The following TEX9 variants were observed in gnomAD, a reference collection of about 807,000 sequenced individuals.
TEX9 encodes testis expressed 9, also known as testis-expressed protein 9.
A neutral mutation model predicts 59.6 loss-of-function variants in TEX9; 74 were observed. That is an observed-to-expected ratio of 1.24 (90% CI 1.03 to 1.51). The LOEUF (loss-of-function observed/expected upper bound fraction) is 1.51. Ranked by LOEUF, TEX9 falls within the 40% of genes most tolerant of loss-of-function variation. The pLI, the probability that TEX9 is intolerant of heterozygous loss-of-function variation, is 0.00. For missense variants in TEX9, 522 were observed against 447.8 expected (o/e 1.17, Z -1.49); for synonymous variants, 186 against 152.2 (o/e 1.22, Z -1.64).
At chr15:56,420,229 A>AT (rs1352787203) in intron 10 of TEX9, among the ~76,000 whole-genome samples, 4 of 148,846 alleles carry the variant, frequency 2.7e-5, no homozygotes, top group Non-Finnish European at 4.5e-5. Flanking sequence ...CTGATTTTTT[A>AT]TTTTTTTTAT....
intron 10 of TEX9, among the ~76,000 whole-genome samples, chr15:56,419,320 G>T (rs958138117): frequency 2.6e-5 from 4 of 151,828 alleles, no homozygotes; most frequent in African/African-American, 4.9e-5. Context: ...GGACCAACTA[G>T]TAAATGCTTT....
At chr15:56,350,562 G>C (rs2046557853) in intron 1 of TEX9, among the ~76,000 whole-genome samples, 1 of 152,186 alleles carries the variant, frequency 6.6e-6, no homozygotes, top group African/African-American at 2.4e-5. Context: ...ACTAATTTCA[G>C]ATTCTACTCA....
At chr15:56,294,151 C>A (rs1388385010) in intron 1 of TEX9, among the ~76,000 whole-genome samples, 1 of 152,150 alleles carries the variant, frequency 6.6e-6, no homozygotes, top group Non-Finnish European at 1.5e-5. Context: ...TCCACTAGTG[C>A]ATATGATTGG....
intron 12 of TEX9, among the ~76,000 whole-genome samples, chr15:56,435,116 A>G (rs1425466801): frequency 2.0e-5 from 3 of 152,246 alleles, no homozygotes; most frequent in African/African-American, 7.2e-5. Flanking sequence ...AAAGTGAGAC[A>G]GCAAAATTTG....
At chr15:56,265,952 T>A (rs1371442547) in intron 1 of TEX9, among the ~76,000 whole-genome samples, 1 of 152,204 alleles carries the variant, frequency 6.6e-6, no homozygotes, top group Non-Finnish European at 1.5e-5. Flanking sequence ...GACCTTTTGA[T>A]ATGATACCAC....
At chr15:56,424,937 C>G (rs1468902579) in intron 10 of TEX9, among the ~76,000 whole-genome samples, 1 of 152,042 alleles carries the variant, frequency 6.6e-6, no homozygotes, top group Non-Finnish European at 1.5e-5. Flanking sequence ...AGGGAAAATA[C>G]AGTGGTAATG....
chr15:56,281,618 G>A (rs1256103022), intron 1 of TEX9, among the ~76,000 whole-genome samples: 1 of 151,962 alleles, frequency 6.6e-6, no homozygotes, highest in African/African-American at 2.4e-5. Context: ...CAAAAAGTTT[G>A]GGGACCACTG....
intron 12 of TEX9, chr15:56,434,396 C>A: frequency 6.2e-7 from 1 of 1,607,390 alleles, no homozygotes; most frequent in Non-Finnish European, 8.5e-7. Context: ...CTGCTTCTTC[C>A]TAAACAATAC....
rs183992728 is a variant in TEX9 at position 56,420,863 on chromosome 15, A to T, written c.964-6742A>T. Among the ~76,000 whole-genome samples the T allele has an allele frequency of 3.2e-4, 48 of 152,022 alleles. 1 individual carries two copies. Among genetic ancestry groups the T allele is most frequent in the Admixed American group, 2.9e-3 (45 of 15,284 alleles). On this transcript the variant is annotated intron_variant, in intron 10 of 12. Coordinates refer to ENST00000352903, the Ensembl canonical transcript of TEX9. The stretch of plus-strand genomic sequence containing the variant: ...TCAAATACTTAGGGATTTTCCCCAG[A>T]TACCATTCTTACTGATTTTTAATTC...
chr15:56,363,859 T>C (rs1320605043), upstream of TEX9, among the ~76,000 whole-genome samples: 7 of 151,062 alleles, frequency 4.6e-5, no homozygotes, highest in Admixed American at 3.9e-4. Flanking sequence ...CCTTTTTTTT[T>C]TTTTGTAGAG....
At chr15:56,424,832 T>C (rs1276754396) in intron 10 of TEX9, among the ~76,000 whole-genome samples, 2 of 152,214 alleles carry the variant, frequency 1.3e-5, no homozygotes, top group East Asian at 3.8e-4. Context: ...TCCAAATATT[T>C]ACATTTACTG....
At chr15:56,453,761 TA>T in the TEX9 span, among the ~76,000 whole-genome samples, 19 of 152,320 alleles carry the variant, frequency 1.2e-4, no homozygotes, top group Admixed American at 2.6e-4. Context: ...ATCTTTTAAG[TA>T]CTTTCTTGGA....
chr15:56,393,899 A>T (rs1281678891), intron 7 of TEX9: 7 of 240,708 alleles, frequency 2.9e-5, no homozygotes, highest in African/African-American at 1.4e-4. Flanking sequence ...AAATAATCTG[A>T]TGTAGTTTGG....
At chr15:56,313,132 G>A (rs1202893942) in intron 1 of TEX9, among the ~76,000 whole-genome samples, 5 of 151,246 alleles carry the variant, frequency 3.3e-5, no homozygotes, top group Non-Finnish European at 5.9e-5. Context: ...TTGAATACCC[G>A]TTATTCCCTT....
At chr15:56,444,951 A>G (rs1214120926) in intron 12 of TEX9, among the ~76,000 whole-genome samples, 2 of 152,070 alleles carry the variant, frequency 1.3e-5, no homozygotes, top group Non-Finnish European at 2.9e-5. Flanking sequence ...AATGAATACA[A>G]TTGTAAGTAG....
chr15:56,317,061 A>G (rs892322457), intron 1 of TEX9, among the ~76,000 whole-genome samples: 1 of 152,074 alleles, frequency 6.6e-6, no homozygotes, highest in African/African-American at 2.4e-5. Flanking sequence ...GGCACTCCCT[A>G]GTGAGATGAA....
At chr15:56,273,768 T>C (rs991608225) in intron 1 of TEX9, among the ~76,000 whole-genome samples, 4 of 152,220 alleles carry the variant, frequency 2.6e-5, no homozygotes, top group Non-Finnish European at 5.9e-5. Context: ...CTTTTCTAGC[T>C]TGCATAATTC....
intron 12 of TEX9, chr15:56,443,851 T>C (rs1301504234): frequency 8.1e-6 from 13 of 1,595,762 alleles, no homozygotes; most frequent in Non-Finnish European, 1.1e-5. Context: ...TTTGTTGTTT[T>C]TCCCTGAAAA....
At chr15:56,249,163 T>C (rs181874674) in intron 1 of TEX9, 1 of 152,156 alleles carries the variant, frequency 6.6e-6, no homozygotes, top group Non-Finnish European at 1.5e-5. Flanking sequence ...TTGAGCTATT[T>C]ATTTGGGTTT....
Sources: gnomAD v4.1 joint callset for allele counts (sites outside exome capture counted in the v4.1 genomes callset) on GRCh38, gnomAD v4.1.1 for gene constraint, MANE v1.5 for transcripts, NCBI Gene and HGNC (gene_info 2026-07-23, HGNC 2026-07-21) for gene names.